Variants in FTO observed in about 807,000 individuals in gnomAD.
FTO encodes the protein alpha-ketoglutarate-dependent dioxygenase FTO.
A neutral mutation model predicts 63.9 loss-of-function variants in FTO; 47 were observed. The observed-to-expected ratio is 0.74, with a 90% CI of 0.58 to 0.94. The LOEUF (loss-of-function observed/expected upper bound fraction) is 0.94, where lower values mean the gene tolerates loss of function less well. Ranked by LOEUF, FTO falls within the 40% of genes least tolerant of loss-of-function variation. FTO has a pLI of 0.00. For synonymous variants in FTO, 207 were observed against 224.4 expected, an observed-to-expected ratio of 0.92 and a Z score of 0.69; for missense variants, 562 against 618.1, an observed-to-expected ratio of 0.91 and a Z score of 0.96.
intron 1 of FTO, among the ~76,000 whole-genome samples, chr16:53,729,741 C>T (rs1300538678): frequency 2.0e-5 from 3 of 151,836 alleles, no homozygotes; most frequent in Non-Finnish European, 4.4e-5. Context: ...ATGCCTCTGT[C>T]CTTTTCTCTT....
intron 8 of FTO, among the ~76,000 whole-genome samples, chr16:53,971,232 A>G (rs2083310166): frequency 6.6e-6 from 1 of 152,206 alleles, no homozygotes; most frequent in Non-Finnish European, 1.5e-5. Context: ...TAATGCTGCA[A>G]TTACATATTT....
chr16:53,911,232 T>G, intron 7 of FTO: 4 of 588,198 alleles, frequency 6.8e-6, no homozygotes, highest in Admixed American at 2.7e-5. Flanking sequence ...GGCTGAGCGA[T>G]TGGAGTGAGT....
intron 4 of FTO, among the ~76,000 whole-genome samples, chr16:53,869,505 C>T (rs1216030835): frequency 2.7e-5 from 4 of 149,156 alleles, no homozygotes; most frequent in Non-Finnish European, 1.5e-5. Context: ...TTCCATTATA[C>T]ATATATTACA....
rs1390642062 is a variant in FTO at position 53,879,787 on chromosome 16, T to C, written c.976-57T>C. The C allele has an allele frequency of 4.4e-6, 7 of 1,594,302 alleles. No individual in the cohort carries two copies. In the African/African-American group the frequency reaches 9.5e-5, roughly 22 times the overall value. ...CAAATATGAACAATCCTAGGAAGGA[T>C]GGTAGAGTAAACTTAGATTTTGCCC... is the stretch of plus-strand genomic sequence containing the variant. On this transcript the variant is annotated intron_variant, in intron 5 of 8. Coordinates refer to ENST00000471389, the MANE Select transcript of FTO (RefSeq NM_001080432.3).
intron 8 of FTO, among the ~76,000 whole-genome samples, chr16:53,962,827 C>T (rs1430978762): frequency 6.6e-6 from 1 of 152,102 alleles, no homozygotes; most frequent in Non-Finnish European, 1.5e-5. Context: ...AATTGAATTA[C>T]TGTAATTTGC....
chr16:53,974,802 G>A (rs1189009874), intron 8 of FTO, among the ~76,000 whole-genome samples: 1 of 151,668 alleles, frequency 6.6e-6, no homozygotes, highest in African/African-American at 2.4e-5. Flanking sequence ...TTGATATTGA[G>A]TTTTTGGTTA....
chr16:53,985,553 A>C (rs1488609584), intron 8 of FTO, among the ~76,000 whole-genome samples: 1 of 152,194 alleles, frequency 6.6e-6, no homozygotes, highest in African/African-American at 2.4e-5. Flanking sequence ...TGTGTTTATA[A>C]ATAAAAGAAG....
intron 8 of FTO, among the ~76,000 whole-genome samples, chr16:54,050,147 G>T (rs2085280280): frequency 6.6e-6 from 1 of 152,070 alleles, no homozygotes; most frequent in African/African-American, 2.4e-5. Context: ...TGGTAATTTG[G>T]GGAGCTTTGA....
At chr16:53,846,630 C>T (rs568602106) in intron 4 of FTO, among the ~76,000 whole-genome samples, 161 of 151,934 alleles carry the variant, frequency 1.1e-3, no homozygotes, top group African/African-American at 3.4e-3. Context: ...ATGAAACCCC[C>T]CGTCTCCACT....
At chr16:53,711,588 G>A in intron 1 of FTO, 1 of 396,448 alleles carries the variant, frequency 2.5e-6, no homozygotes, top group Non-Finnish European at 4.4e-6. Flanking sequence ...CTTATGAGAG[G>A]CCTGGGATTC....
intron 8 of FTO, among the ~76,000 whole-genome samples, chr16:53,946,631 A>G (rs866044963): frequency 6.6e-6 from 1 of 152,126 alleles, no homozygotes; most frequent in African/African-American, 2.4e-5. Context: ...ATGAAGTCAT[A>G]TCTACAAGGA....
At chr16:54,103,923 T>G (rs1048939245) in intron 8 of FTO, among the ~76,000 whole-genome samples, 2 of 152,194 alleles carry the variant, frequency 1.3e-5, no homozygotes, top group African/African-American at 2.4e-5. Flanking sequence ...AGTGTCCTCT[T>G]CCATGAGGTT....
At chr16:54,067,024 CCTT>C in intron 8 of FTO, among the ~76,000 whole-genome samples, 1 of 152,298 alleles carries the variant, frequency 6.6e-6, no homozygotes, top group African/African-American at 2.4e-5. Flanking sequence ...CTTTCCCTCT[CCTT>C]AGGTTTGTAA....
At chr16:54,090,069 G>A (rs562390677) in intron 8 of FTO, among the ~76,000 whole-genome samples, 2 of 152,274 alleles carry the variant, frequency 1.3e-5, no homozygotes, top group South Asian at 4.1e-4. Flanking sequence ...GACTCAAACA[G>A]ATACTGTGCA....
intron 8 of FTO, among the ~76,000 whole-genome samples, chr16:54,032,096 T>C (rs2084846780): frequency 1.3e-5 from 2 of 152,214 alleles, no homozygotes; most frequent in Admixed American, 1.3e-4. Context: ...GCTGGTGATA[T>C]TACAGGCAGA....
In FTO at chr16:53,825,987, G is replaced by C. The variant is rs773635184; in HGVS notation, c.247G>C (p.Val83Leu). The part of the protein sequence containing the change: ...HKHGCLFRDL[V>L]RIQGKDLLTP... ...GCATGGCTGCTTATTTCGGGACCTG[G>C]TTAGGATCCAAGGCAAAGATCTGCT... is the stretch of plus-strand genomic sequence containing the variant. The change falls in exon 3 of 9, where the codon GTT (valine) becomes CTT (leucine). Residue 83 changes from valine (V) to leucine (L), a missense_variant. Transcript: ENST00000471389. 27 of 1,614,010 alleles carry C rather than the reference G, an allele frequency of 1.7e-5. No homozygotes were observed. Among genetic ancestry groups the C allele is most frequent in the Non-Finnish European group, 1.7e-5 (20 of 1,180,034 alleles).
chr16:53,843,194 C>T (rs1434966979), intron 3 of FTO, among the ~76,000 whole-genome samples: 1 of 152,190 alleles, frequency 6.6e-6, no homozygotes, highest in East Asian at 1.9e-4. Flanking sequence ...AATATACTTG[C>T]TCAACAGTCA....
At chr16:54,110,505 G>A (rs555972778) in intron 8 of FTO, among the ~76,000 whole-genome samples, 15 of 152,334 alleles carry the variant, frequency 9.8e-5, no homozygotes, top group African/African-American at 3.6e-4. Context: ...GGATGCCGGT[G>A]TAGCAATTAA....
At chr16:54,026,749 T>G (rs1180219799) in intron 8 of FTO, among the ~76,000 whole-genome samples, 3 of 152,120 alleles carry the variant, frequency 2.0e-5, no homozygotes, top group Non-Finnish European at 4.4e-5. Context: ...GAGAAAAAAG[T>G]AAGTGGAGTG....
Sources: gnomAD v4.1 joint callset for allele counts (sites outside exome capture counted in the v4.1 genomes callset) on GRCh38, gnomAD v4.1.1 for gene constraint, MANE v1.5 for transcripts, NCBI Gene and HGNC (gene_info 2026-07-23, HGNC 2026-07-21) for gene names.